RSPH6A: variants seen among roughly 807,000 people sequenced by gnomAD.
RSPH6A encodes the protein radial spoke head protein 6 homolog A.
A neutral mutation model predicts 66.1 loss-of-function variants in RSPH6A; 49 were observed. The observed-to-expected ratio is 0.74, with a 90% CI of 0.59 to 0.94. The LOEUF is 0.94. RSPH6A is among the 40% of genes least tolerant of loss of function. The pLI is 0.00. For missense variants in RSPH6A, 977 were observed against 948.3 expected (o/e 1.03, Z -0.40); for synonymous variants, 419 against 402.4 (o/e 1.04, Z -0.49).
At chr19:45,803,634 G>A (rs1226025767) in intron 3 of RSPH6A, among the ~76,000 whole-genome samples, 3 of 148,338 alleles carry the variant, frequency 2.0e-5, no homozygotes, top group South Asian at 2.2e-4. Flanking sequence ...CCGAGATCAC[G>A]CCATTGTACT....
Position 45,810,820 on chromosome 19 carries a change from A to C in RSPH6A, c.671T>G (p.Leu224Arg). 1 of 1,611,050 alleles carries C rather than the reference A, an allele frequency of 6.2e-7. No individual in the cohort carries two copies. Among genetic ancestry groups the C allele is most frequent in the Non-Finnish European group, 8.5e-7 (1 of 1,177,600 alleles). Reference protein sequence around the residue: ...DLSLYEHLVNLLTKILNQRPE... With the variant: ...DLSLYEHLVNRLTKILNQRPE... ...CCGCTGGTTCAGGATCTTGGTCAGC[A>C]GATTCACCAGGTGCTCGTACCTGCC... Residue 224 changes from leucine (L) to arginine (R), a missense_variant, in exon 2 of 6, where the codon CTG becomes CGG. Leu to Arg is a moderately radical substitution (Grantham distance 102, BLOSUM62 -2). Transcript: ENST00000221538.
chr19:45,812,700 T>C (rs1193903408), intron 1 of RSPH6A, among the ~76,000 whole-genome samples: 1 of 151,870 alleles, frequency 6.6e-6, no homozygotes, highest in East Asian at 1.9e-4. Flanking sequence ...GGCCTTTTGT[T>C]TGTTGGTTTG....
intron 5 of RSPH6A, among the ~76,000 whole-genome samples, 179 bp from the exon 6 acceptor site, chr19:45,796,285 C>G (rs1423110006): frequency 6.6e-6 from 1 of 151,820 alleles, no homozygotes; most frequent in East Asian, 1.9e-4. Context: ...TCCCATGTAG[C>G]TGGGACTACA....
rs1310482774 is a variant in RSPH6A at position 45,815,160 on chromosome 19, G to T, written c.17C>A (p.Pro6His). Reference protein sequence around the residue: MGDLPPYPERPAQQPP... With the variant: MGDLPHYPERPAQQPP... ...CTGCTGGGCAGGGCGCTCAGGGTAG[G>T]GCGGCAGGTCTCCCATGGTTCGCCA... Residue 6 changes from proline (P) to histidine (H), a missense_variant, in exon 1 of 6, where the codon CCC becomes CAC. Physicochemically the swap from Pro to His is moderately conservative, Grantham distance 77. Transcript: ENST00000221538. 8 of 1,605,690 alleles carry T rather than the reference G, an allele frequency of 5.0e-6. No individual in the cohort carries two copies. Among genetic ancestry groups the T allele is most frequent in the Non-Finnish European group, 5.9e-6 (7 of 1,178,568 alleles).
At chr19:45,799,475 C>T (rs1287280093) in intron 5 of RSPH6A, among the ~76,000 whole-genome samples, 1 of 152,214 alleles carries the variant, frequency 6.6e-6, no homozygotes, top group African/African-American at 2.4e-5. Context: ...AATCCTTCTG[C>T]CTCAGCCCCC....
In RSPH6A at chr19:45,804,106, T is replaced by C. The variant is rs1174034827; in HGVS notation, c.1653+146A>G. 3.2e-6 allele frequency: 2 copies of C among 626,450 alleles called. No homozygotes were observed. The highest frequency in any genetic ancestry group is 3.7e-5 in the African/African-American group (2 of 54,328). The allele number at this position is 626,450 out of a possible 1,614,324, so 38.8% of individuals were successfully genotyped here. A position where few individuals can be genotyped will look rare whatever the true frequency, so the allele number is the denominator to read the frequency against. On this transcript the variant is annotated intron_variant, in intron 3 of 5. Transcript: ENST00000221538. The surrounding 1 kb of genome is among the most constrained non-coding windows in gnomAD (Gnocchi z 5.8). ...TTTCTGATGGGATTATCCGCTAATA[T>C]CTGTTGAACCAATGAATGGATGGAT... is the stretch of plus-strand genomic sequence containing the variant.
chr19:45,796,305 C>A (rs1447818022), intron 5 of RSPH6A, among the ~76,000 whole-genome samples, 199 bp from the exon 6 acceptor site: 1 of 151,990 alleles, frequency 6.6e-6, no homozygotes, highest in Non-Finnish European at 1.5e-5. Flanking sequence ...AGGCACGCGT[C>A]ACTACGCCCA....
chr19:45,811,187 T>A (rs1159290015), intron 1 of RSPH6A, among the ~76,000 whole-genome samples: 1 of 151,532 alleles, frequency 6.6e-6, no homozygotes, highest in Non-Finnish European at 1.5e-5. Context: ...AGAGACAGGG[T>A]TTCACCATGT....
At chr19:45,796,137 T>G in intron 5 of RSPH6A, 31 bp from the exon 6 acceptor site, 4 of 1,390,508 alleles carry the variant, frequency 2.9e-6, no homozygotes, top group Non-Finnish European at 3.9e-6. Flanking sequence ...TGTGAAATTC[T>G]CCCTCAAAGG....
intron 4 of RSPH6A, among the ~76,000 whole-genome samples, chr19:45,800,765 C>T (rs1035909589): frequency 1.7e-5 from 2 of 120,100 alleles, no homozygotes; most frequent in African/African-American, 2.9e-5. Context: ...CACACACACA[C>T]ACACACACAC....
At position 45,804,772 on chromosome 19, in the gene RSPH6A, G is replaced by T; in HGVS notation, c.1133C>A (p.Thr378Lys). ...CGCCTCCATGACCTCGCCACCTTCCGTCATCTCCTCCACCTCCTCCTCCTC... is the reference window on the plus strand; with the variant it reads ...CGCCTCCATGACCTCGCCACCTTCCTTCATCTCCTCCACCTCCTCCTCCTC... ...EAEEEEVEEM[T>K]EGGEVMEAHG... The change falls in exon 3 of 6, where the codon ACG becomes AAG. Residue 378 changes from threonine (T) to lysine (K), a missense_variant. Thr to Lys is a moderately conservative substitution (Grantham distance 78). Transcript: ENST00000221538. This position sits in a 1 kb window ranked among gnomAD's most constrained non-coding sequence, Gnocchi z 5.8. The T allele has an allele frequency of 6.2e-7, 1 of 1,611,892 alleles. No individual in the cohort carries two copies. The highest frequency in any genetic ancestry group is 8.5e-7 in the Non-Finnish European group (1 of 1,179,070).
At position 45,796,856 on chromosome 19, in the gene RSPH6A, C is replaced by T. The variant is rs1157865028; in HGVS notation, c.1917-750G>A. On this transcript the variant is annotated intron_variant, in intron 5 of 5. Transcript: ENST00000221538. ...TAGAGAGGGGGTTTCATCATGTTGG[C>T]CAGGCTGGTCTTGAACTCCTGACAT... Among the ~76,000 whole-genome samples the T allele has an allele frequency of 3.9e-5, 6 of 152,102 alleles. No individual in the cohort carries two copies. In the South Asian group the frequency reaches 1.2e-3, roughly 32 times the overall value.
At chr19:45,801,670 G>A (rs1970475623) in intron 4 of RSPH6A, among the ~76,000 whole-genome samples, 1 of 152,180 alleles carries the variant, frequency 6.6e-6, no homozygotes, top group African/African-American at 2.4e-5. Flanking sequence ...TGAGACGGGA[G>A]AATTGCAGGA....
At position 45,815,130 on chromosome 19, in the gene RSPH6A, G is replaced by A. The variant is rs778820448; in HGVS notation, c.47C>T (p.Pro16Leu). ...PYPERPAQQP[P>L]GRRTSQASQR... is the part of the protein sequence containing the mutation. ...GGAGGCCTGAGAAGTCCTCCGGCCC[G>A]GAGGCTGCTGGGCAGGGCGCTCAGG... is the stretch of plus-strand genomic sequence containing the variant. Residue 16 changes from proline to leucine, a missense_variant, in exon 1 of 6, where the codon CCG (proline) becomes CTG (leucine). Pro to Leu is a moderately conservative substitution (Grantham distance 98). Coordinates refer to ENST00000221538, the MANE Select transcript of RSPH6A (RefSeq NM_030785.4). 8.7e-6 allele frequency: 14 copies of A among 1,611,200 alleles called. No individual in the cohort carries two copies. Among genetic ancestry groups the A allele is most frequent in the Admixed American group, 1.7e-5 (1 of 59,964 alleles).
intron 3 of RSPH6A, 24 bp from the exon 4 acceptor site, chr19:45,802,288 T>TGATG: frequency 7.4e-7 from 1 of 1,346,558 alleles, no homozygotes; most frequent in Non-Finnish European, 9.7e-7. Flanking sequence ...GAAGCTCAGG[T>TGATG]GATGGCCCCA....
At chr19:45,806,743 AAAG>A (rs540252986) in intron 2 of RSPH6A, among the ~76,000 whole-genome samples, 107 of 149,662 alleles carry the variant, frequency 7.1e-4, no homozygotes, top group African/African-American at 2.5e-3. Flanking sequence ...GAAGCCAGAG[AAAG>A]AAGAAGTGTA....
At position 45,810,743 on chromosome 19, in the gene RSPH6A, C is replaced by T. The variant is rs1970615711; in HGVS notation, c.748G>A (p.Glu250Lys). The T allele has an allele frequency of 6.2e-7, 1 of 1,614,170 alleles. No individual in the cohort carries two copies. The part of the protein sequence containing the change: ...LESLNRTTQW[E>K]WFHPKLDTLR... ...GTGTCCAGCTTGGGGTGGAACCACT[C>T]CCACTGCGTGGTGCGGTTCAGAGAC... Residue 250 changes from glutamate to lysine, a missense_variant, in exon 2 of 6, where the codon GAG (glutamate) becomes AAG (lysine). Coordinates refer to ENST00000221538, the MANE Select transcript of RSPH6A (RefSeq NM_030785.4).
intron 2 of RSPH6A, among the ~76,000 whole-genome samples, chr19:45,807,157 G>A (rs1970555808): frequency 6.6e-6 from 1 of 151,866 alleles, no homozygotes; most frequent in African/African-American, 2.4e-5. Context: ...CTCCCAAAAT[G>A]CTGGGATTAC....
intron 1 of RSPH6A, among the ~76,000 whole-genome samples, chr19:45,811,644 C>G (rs1176401712): frequency 1.3e-5 from 2 of 151,608 alleles, no homozygotes; most frequent in Admixed American, 6.6e-5. Flanking sequence ...CCATGGTGGC[C>G]AGGCTGGTCT....
Sources: gnomAD v4.1 joint callset for allele counts (sites outside exome capture counted in the v4.1 genomes callset) on GRCh38, gnomAD v4.1.1 for gene constraint, Gnocchi (gnomAD v3.1) non-coding constraint, MANE v1.5 for transcripts, NCBI Gene and HGNC (gene_info 2026-07-23, HGNC 2026-07-21) for gene names.